The following FAM167A variants were observed in gnomAD, a reference collection of about 807,000 sequenced individuals.
FAM167A encodes family with sequence similarity 167 member A.
A neutral mutation model predicts 14.9 loss-of-function variants in FAM167A; 23 were observed. The observed-to-expected ratio is 1.55, with a 90% CI of 1.11 to 2.19. The LOEUF (loss-of-function observed/expected upper bound fraction) is 2.19, where lower values mean the gene tolerates loss of function less well. Ranked by LOEUF, FAM167A falls within the 30% of genes most tolerant of loss-of-function variation. The pLI is 0.00. For missense variants in FAM167A, 401 were observed against 281.5 expected (o/e 1.42, Z -3.04); for synonymous variants, 174 against 117.7 (o/e 1.48, Z -3.10).
upstream of FAM167A, among the ~76,000 whole-genome samples, chr8:11,471,736 T>G (rs2618485): frequency 0.9 from 136,975 of 152,184 alleles, 61,976 homozygotes; most frequent in East Asian, 1. Context: ...GGGTCAGGGG[T>G]TGCCCTCTCA....
At position 11,424,413 on chromosome 8, in the gene FAM167A, G is replaced by T; in HGVS notation, c.605C>A (p.Thr202Asn). ...CCTCCGAGAGTTGATGTTCATCTTG[G>T]TCACGCCAATAAGCTTGAGTGGTGT... ...LSTPLKLIGVTKMNINSRRFS... is the reference protein window; with the variant it reads ...LSTPLKLIGVNKMNINSRRFS... The change falls in exon 3 of 3, where the codon ACC (threonine) becomes AAC (asparagine). Residue 202 changes from threonine to asparagine, a missense_variant. Thr to Asn is a moderately conservative substitution (Grantham distance 65). Transcript: ENST00000284486. 6.2e-7 allele frequency: 1 copy of T among 1,614,032 alleles called. No individual in the cohort carries two copies. The highest frequency in any genetic ancestry group is 8.5e-7 in the Non-Finnish European group (1 of 1,180,002).
chr8:11,448,023 G>A (rs1311402533), intron 1 of FAM167A, among the ~76,000 whole-genome samples: 5 of 152,014 alleles, frequency 3.3e-5, no homozygotes, highest in Middle Eastern at 3.2e-3. Context: ...GTGAAACCCC[G>A]TCTCTACTAA....
At chr8:11,439,635 G>T (rs916130983) in intron 2 of FAM167A, among the ~76,000 whole-genome samples, 1 of 152,048 alleles carries the variant, frequency 6.6e-6, no homozygotes, top group Admixed American at 6.6e-5. Flanking sequence ...CGGGAGGAGG[G>T]TGTCTGCAGG....
At chr8:11,473,642 G>T (rs1470888235) in intron 1 of FAM167A, among the ~76,000 whole-genome samples, 1 of 152,128 alleles carries the variant, frequency 6.6e-6, no homozygotes, top group African/African-American at 2.4e-5. Context: ...GCAGTGCAGG[G>T]TGCGGTTCTA....
intron 2 of FAM167A, among the ~76,000 whole-genome samples, 180 bp from the exon 3 acceptor site, chr8:11,424,816 G>A (rs946515609): frequency 6.6e-6 from 1 of 152,214 alleles, no homozygotes; most frequent in African/African-American, 2.4e-5. Context: ...ACAAATGAGG[G>A]TGCGGTCGCA....
At chr8:11,474,705 G>C (rs1797814632) in intron 1 of FAM167A, 1 of 152,210 alleles carries the variant, frequency 6.6e-6, no homozygotes, top group Non-Finnish European at 1.5e-5. Flanking sequence ...ATGTTTCATG[G>C]TCTGATCAAA....
At chr8:11,474,791 G>A (rs772889148) in intron 1 of FAM167A, 4 of 152,296 alleles carry the variant, frequency 2.6e-5, no homozygotes, top group Middle Eastern at 2.3e-3. Flanking sequence ...GAGACAGGGA[G>A]TAGGAAGGAG....
upstream of FAM167A, among the ~76,000 whole-genome samples, chr8:11,471,854 G>A (rs143304119): frequency 1.1e-3 from 164 of 152,266 alleles, no homozygotes; most frequent in Middle Eastern, 6.8e-3. Flanking sequence ...GGGTTTGGAT[G>A]AAGGCTGCGC....
rs1396226869 is a variant in FAM167A, at chr8:11,422,221, C to T, written c.*2152G>A. 1 of 171,642 alleles carries T rather than the reference C, an allele frequency of 5.8e-6. No individual in the cohort carries two copies. Among genetic ancestry groups the T allele is most frequent in the South Asian group, 2.0e-4 (1 of 5,000 alleles). The allele number at this position is 171,642 out of a possible 1,614,324, so 10.6% of individuals were successfully genotyped here. A position where few individuals can be genotyped will look rare whatever the true frequency, so the allele number is the denominator to read the frequency against. ...ACATTCAGCTAAATCTTTCCATTTT[C>T]GCTGAACCCAATGGTTTCGGTTACT... On this transcript the variant is annotated 3_prime_UTR_variant, in exon 3 of 3. Coordinates refer to ENST00000284486, the MANE Select transcript of FAM167A (RefSeq NM_053279.3).
chr8:11,426,858 AACATAAAC>A (rs1409015825), intron 2 of FAM167A, among the ~76,000 whole-genome samples: 11 of 152,216 alleles, frequency 7.2e-5, no homozygotes, highest in Admixed American at 7.2e-4. Context: ...TATAGAAGAT[AACATAAAC>A]ACAAGGCACG....
chr8:11,435,325 C>T (rs1805933022), intron 2 of FAM167A, among the ~76,000 whole-genome samples: 1 of 152,210 alleles, frequency 6.6e-6, no homozygotes, highest in Non-Finnish European at 1.5e-5. Flanking sequence ...CGGCCTCCAC[C>T]ATGGCACCCA....
intron 1 of FAM167A, among the ~76,000 whole-genome samples, chr8:11,465,347 C>G (rs937188625): frequency 6.6e-6 from 1 of 152,162 alleles, no homozygotes. Flanking sequence ...GAGGCTGACT[C>G]TCTGCTCTCT....
Position 11,444,062 on chromosome 8 carries a change from T to C in FAM167A, c.350A>G (p.Asp117Gly), listed in dbSNP as rs753193699. ...TGKLEGFQSI[D>G]EAIAWLRKEL... ...CTTCCTGAGCCAGGCTATAGCTTCA[T>C]CGATGCTCTGAAAGCCTTCCAGCTT... Residue 117 changes from aspartate (D) to glycine (G), a missense_variant, in exon 2 of 3, where the codon GAT (aspartate) becomes GGT (glycine). Asp to Gly is a moderately conservative substitution (Grantham distance 94, BLOSUM62 -1). Transcript: ENST00000284486. 1.2e-6 allele frequency: 2 copies of C among 1,613,464 alleles called. No individual in the cohort carries two copies. Among genetic ancestry groups the C allele is most frequent in the African/African-American group, 1.3e-5 (1 of 75,058 alleles).
At chr8:11,464,985 A>G (rs1807699055) in intron 1 of FAM167A, among the ~76,000 whole-genome samples, 1 of 152,194 alleles carries the variant, frequency 6.6e-6, no homozygotes, top group Admixed American at 6.5e-5. Flanking sequence ...TGTAATTGCG[A>G]GGACCAGAAG....
intron 2 of FAM167A, among the ~76,000 whole-genome samples, chr8:11,442,948 T>C (rs549245491): frequency 4.6e-5 from 7 of 152,308 alleles, no homozygotes; most frequent in Admixed American, 1.3e-4. Flanking sequence ...TCTCAGCCCC[T>C]GAGGCATTCC....
intron 1 of FAM167A, among the ~76,000 whole-genome samples, chr8:11,454,314 GA>G (rs1297089494): frequency 6.6e-6 from 1 of 152,266 alleles, no homozygotes; most frequent in East Asian, 1.9e-4. Flanking sequence ...CTCCACATCA[GA>G]GAGACTCGTG....
chr8:11,439,132 T>C (rs1413652800), intron 2 of FAM167A, among the ~76,000 whole-genome samples: 1 of 152,270 alleles, frequency 6.6e-6, no homozygotes, highest in Non-Finnish European at 1.5e-5. Flanking sequence ...TCCTTGCATA[T>C]GACCTTGGCC....
At chr8:11,442,288 G>T (rs996360289) in intron 2 of FAM167A, among the ~76,000 whole-genome samples, 1 of 152,210 alleles carries the variant, frequency 6.6e-6, no homozygotes, top group East Asian at 1.9e-4. Flanking sequence ...TGAGAAGCAC[G>T]CAGGAGCTTT....
At position 11,424,455 on chromosome 8, in the gene FAM167A, G is replaced by A; in HGVS notation, c.563C>T (p.Ser188Phe). ...GAGTGGTGTGGAGAGGCTGAAGGAG[G>A]AGGCAAGAGGGGAGTCACAGAAGAG... ...ADLFCDSPLA[S>F]SFSLSTPLKL... is the part of the protein sequence containing the mutation. Residue 188 changes from serine to phenylalanine, a missense_variant, in exon 3 of 3, where the codon TCC (serine) becomes TTC (phenylalanine). Transcript: ENST00000284486. 1 of 1,614,134 alleles carries A rather than the reference G, an allele frequency of 6.2e-7. No individual in the cohort carries two copies. The highest frequency in any genetic ancestry group is 8.5e-7 in the Non-Finnish European group (1 of 1,180,010).
Sources: allele counts gnomAD v4.1 joint callset (sites outside exome capture counted in the v4.1 genomes callset), GRCh38; gene constraint gnomAD v4.1.1; transcripts MANE v1.5; gene names NCBI Gene and HGNC (gene_info 2026-07-23, HGNC 2026-07-21).